PDE1C: variants seen among roughly 807,000 people sequenced by gnomAD.
PDE1C encodes phosphodiesterase 1C.
A neutral mutation model predicts 93.1 loss-of-function variants in PDE1C; 62 were observed. That is an observed-to-expected ratio of 0.67 (90% CI 0.54 to 0.82). The LOEUF (loss-of-function observed/expected upper bound fraction) is 0.82. Among genes scored for constraint, PDE1C ranks in the 40% least tolerant of loss-of-function variants. PDE1C has a pLI of 0.00. For missense variants in PDE1C, 742 were observed against 884.6 expected (o/e 0.84, Z 2.04); for synonymous variants, 325 against 310.1 (o/e 1.05, Z -0.50).
At chr7:31,967,907 A>AATTTAGC (rs1810280471) in intron 2 of PDE1C, among the ~76,000 whole-genome samples, 1 of 152,194 alleles carries the variant, frequency 6.6e-6, no homozygotes, top group Non-Finnish European at 1.5e-5. Flanking sequence ...AAAATTCAAC[A>AATTTAGC]ATGCTTCATG....
At chr7:31,977,795 A>T (rs1055828932) in intron 2 of PDE1C, among the ~76,000 whole-genome samples, 4 of 152,226 alleles carry the variant, frequency 2.6e-5, no homozygotes, top group African/African-American at 9.6e-5. Flanking sequence ...TAAATAAATT[A>T]ATGAATAAGC....
intron 2 of PDE1C, among the ~76,000 whole-genome samples, chr7:32,173,835 C>T (rs147913112): frequency 1.4e-4 from 22 of 152,292 alleles, no homozygotes; most frequent in African/African-American, 5.1e-4. Flanking sequence ...AAGAACCTCA[C>T]ACACAAGAGG....
chr7:32,372,210 C>A (rs998728735), intron 1 of PDE1C, among the ~76,000 whole-genome samples: 1 of 152,106 alleles, frequency 6.6e-6, no homozygotes, highest in Non-Finnish European at 1.5e-5. Context: ...CCTGCCACCA[C>A]ACCTGGCTAG....
chr7:31,940,476 G>A (rs1376901173), intron 2 of PDE1C, among the ~76,000 whole-genome samples: 1 of 152,178 alleles, frequency 6.6e-6, no homozygotes, highest in African/African-American at 2.4e-5. Context: ...ACAGAAGCCT[G>A]AAGTCCAAAG....
chr7:31,965,310 C>T (rs1338605256), intron 2 of PDE1C, among the ~76,000 whole-genome samples: 4 of 152,190 alleles, frequency 2.6e-5, no homozygotes, highest in South Asian at 2.1e-4. Flanking sequence ...ATGTGACGAA[C>T]GCACAAGCCT....
intron 1 of PDE1C, among the ~76,000 whole-genome samples, chr7:32,288,443 T>C (rs993064996): frequency 1.3e-5 from 2 of 152,210 alleles, no homozygotes; most frequent in African/African-American, 2.4e-5. Flanking sequence ...CTGGACTAAA[T>C]TCTGCACCTT....
chr7:31,940,610 G>A (rs571332297), intron 2 of PDE1C, among the ~76,000 whole-genome samples: 1 of 152,284 alleles, frequency 6.6e-6, no homozygotes, highest in East Asian at 1.9e-4. Flanking sequence ...ATAGGGATGG[G>A]TGCCCTGAGG....
the PDE1C span, among the ~76,000 whole-genome samples, chr7:31,636,416 C>T: frequency 0.014 from 2,132 of 152,226 alleles, 55 homozygotes; most frequent in African/African-American, 0.048. Context: ...GTAACTGCTT[C>T]GAGATTGTTT....
chr7:32,334,699 A>C (rs983501440), intron 1 of PDE1C, among the ~76,000 whole-genome samples: 1 of 24,624 alleles, frequency 4.1e-5, no homozygotes, highest in Admixed American at 7.5e-4. Flanking sequence ...AAGGTCCTTA[A>C]AATATCTTTA....
chr7:32,058,390 C>T (rs1012771020), intron 1 of PDE1C, among the ~76,000 whole-genome samples: 1 of 152,188 alleles, frequency 6.6e-6, no homozygotes, highest in Admixed American at 6.5e-5. Context: ...TACAGGTTCT[C>T]ATGAGTACAG....
rs115964063 is a variant in PDE1C, at chr7:32,100,926, G to T, written c.308+68859C>A. ...GTTGATTCAATTCACCATCACTTTG[G>T]CCTAAATACAACTACTGGAATTTCC... On this transcript the variant is annotated intron_variant, in intron 3 of 18. Transcript: ENST00000396193. 1.5e-3 allele frequency among the ~76,000 whole-genome samples: 232 copies of T among 152,198 alleles called. 1 individual carries two copies. Among genetic ancestry groups the T allele is most frequent in the African/African-American group, 5.3e-3 (222 of 41,514 alleles).
chr7:32,007,883 T>C (rs971155261), intron 2 of PDE1C, among the ~76,000 whole-genome samples: 3 of 152,238 alleles, frequency 2.0e-5, no homozygotes. Flanking sequence ...TCAGATCTAT[T>C]ATTTTTTGAG....
intron 9 of PDE1C, among the ~76,000 whole-genome samples, chr7:31,839,206 G>A (rs919219700): frequency 4.3e-5 from 6 of 140,518 alleles, no homozygotes; most frequent in African/African-American, 1.4e-4. Flanking sequence ...ACATACATAC[G>A]TATATGTGTG....
Position 32,393,142 on chromosome 7 carries a change from A to T in PDE1C, c.310+34680T>A, listed in dbSNP as rs534066510. ...CCTTGCTGAAGATCATCTAGGAAAAACTTACAGCTGAACTCATACAAATAA... is the reference window on the plus strand; with the variant it reads ...CCTTGCTGAAGATCATCTAGGAAAATCTTACAGCTGAACTCATACAAATAA... On this transcript the variant is annotated intron_variant, in intron 1 of 1. Transcript: ENST00000672256. Among the ~76,000 whole-genome samples, 3 of 152,100 alleles carry T rather than the reference A, an allele frequency of 2.0e-5. No homozygotes were observed. The East Asian group carries it at 5.8e-4, about 29-fold the overall frequency.
At chr7:32,348,239 G>A (rs960727444) in intron 1 of PDE1C, among the ~76,000 whole-genome samples, 1 of 151,612 alleles carries the variant, frequency 6.6e-6, no homozygotes, top group African/African-American at 2.4e-5. Flanking sequence ...AGAAAGGTAT[G>A]TAAAGGAGAC....
chr7:31,839,462 T>G (rs949397893), intron 9 of PDE1C, among the ~76,000 whole-genome samples: 1 of 149,094 alleles, frequency 6.7e-6, no homozygotes, highest in African/African-American at 2.5e-5. Context: ...ACTCTTTCTT[T>G]ACTCAGCATA....
chr7:31,622,583 G>C, the PDE1C span, among the ~76,000 whole-genome samples: 72 of 151,900 alleles, frequency 4.7e-4, no homozygotes, highest in South Asian at 0.014. Flanking sequence ...CAACATACCA[G>C]AATCTCTGGG....
At chr7:31,929,166 C>A (rs1336627411) in intron 2 of PDE1C, among the ~76,000 whole-genome samples, 1 of 151,058 alleles carries the variant, frequency 6.6e-6, no homozygotes, top group Non-Finnish European at 1.5e-5. Flanking sequence ...GACTTTAAAC[C>A]AACAAGGATC....
chr7:32,254,901 T>C (rs1202783567), intron 1 of PDE1C, among the ~76,000 whole-genome samples: 3 of 152,056 alleles, frequency 2.0e-5, no homozygotes, highest in Non-Finnish European at 4.4e-5. Flanking sequence ...CCAAATTCAC[T>C]CAGTAGACAA....
Sources: allele counts gnomAD v4.1 joint callset (sites outside exome capture counted in the v4.1 genomes callset), GRCh38; gene constraint gnomAD v4.1.1; transcripts MANE v1.5; gene names NCBI Gene and HGNC (gene_info 2026-07-23, HGNC 2026-07-21).